Variants in CEP250 observed in about 807,000 individuals in gnomAD.
The protein encoded by CEP250 is centrosome-associated protein CEP250.
Under a neutral mutation model 315.7 loss-of-function variants are expected in CEP250, and 242 were observed. The observed-to-expected ratio is 0.77, with a 90% confidence interval of 0.69 to 0.85. CEP250 has a LOEUF of 0.85. Among genes scored for constraint, CEP250 ranks in the 40% least tolerant of loss-of-function variants. The probability of loss-of-function intolerance (pLI) is 0.00; values close to 1 mark genes in which losing one functional copy is unlikely to be tolerated. For synonymous variants in CEP250, 1,088 were observed against 1,175.0 expected, an observed-to-expected ratio of 0.93 and a Z score of 1.51; for missense variants, 2,515 against 2,886.4, an observed-to-expected ratio of 0.87 and a Z score of 2.95.
Position 35,503,247 on chromosome 20 carries a change from G to A in CEP250, c.4878G>A (p.Gln1626=). The A allele has an allele frequency of 1.2e-6, 2 of 1,614,236 alleles. No individual in the cohort carries two copies. Among genetic ancestry groups the A allele is most frequent in the African/African-American group, 2.7e-5 (2 of 75,072 alleles). ...SHSTVLAREL[Q]ERDQEVKSQR... ...GCACCGTTCTGGCAAGAGAGCTGCA[G>A]GAGAGGGACCAGGAGGTGAAGTCTC... is the stretch of plus-strand genomic sequence containing the variant. The change falls in exon 30 of 35, where the codon CAG becomes CAA. Residue 1626 remains glutamine (Q), a synonymous_variant. Transcript: ENST00000397527. This position sits in a 1 kb window ranked among gnomAD's most constrained non-coding sequence, Gnocchi z 4.2.
chr20:35,467,943 C>CTTTTTTTTT (rs10649518), intron 9 of CEP250, among the ~76,000 whole-genome samples: 25 of 117,960 alleles, frequency 2.1e-4, no homozygotes, highest in African/African-American at 7.0e-4. Context: ...AATATTACCT[C>CTTTTTTTTT]TTTTTTTTTT....
intron 5 of CEP250, among the ~76,000 whole-genome samples, chr20:35,465,023 G>A (rs2062840213): frequency 1.3e-5 from 2 of 152,312 alleles, no homozygotes; most frequent in Admixed American, 1.3e-4. Context: ...ATAAGTCAAG[G>A]AGCATCTATA....
chr20:35,506,742 C>T (rs188871786), intron 30 of CEP250, among the ~76,000 whole-genome samples: 4 of 152,226 alleles, frequency 2.6e-5, no homozygotes, highest in East Asian at 1.9e-4. Context: ...TGTGTAACCC[C>T]GGGTGAATGC....
In CEP250 at chr20:35,483,340, T is replaced by C. The variant is rs1048973720; in HGVS notation, c.2586+3195T>C. Among the ~76,000 whole-genome samples the C allele has an allele frequency of 6.8e-5, 10 of 147,180 alleles. No individual in the cohort carries two copies. In the East Asian group the frequency reaches 1.9e-3, roughly 28 times the overall value. ...CGTCTCAAAAAAAAAAAAAAATTTT[T>C]TTTTTTAAATTTATTTTATTTTATT... On this transcript the variant is annotated intron_variant, in intron 20 of 34. Transcript: ENST00000397527.
chr20:35,498,770 AG>A, intron 27 of CEP250, 54 bp downstream of exon 27: 2 of 1,510,206 alleles, frequency 1.3e-6, no homozygotes, highest in Non-Finnish European at 1.8e-6. Flanking sequence ...GAAAAGCATG[AG>A]GCAAAGGGGT....
At chr20:35,507,651 CA>C in intron 30 of CEP250, 86 bp from the exon 31 acceptor site, 1 of 999,578 alleles carries the variant, frequency 1.0e-6, no homozygotes, top group Admixed American at 2.1e-5. Flanking sequence ...CTGAGGAGAA[CA>C]TTGAACCGCT....
At position 35,518,952 on chromosome 20, in the gene CEP250, G is replaced by A. The variant is rs2064456052; in HGVS notation, c.*7326G>A. ...GGAGGCTGAGGCAGGAGAATTGCTT[G>A]AACCCAGGAGGCAGAGGTTGCAGTG... On this transcript the variant is annotated 3_prime_UTR_variant, in exon 35 of 35. Coordinates refer to ENST00000397527, the MANE Select transcript of CEP250 (RefSeq NM_007186.6). 1 of 151,610 alleles carries A rather than the reference G, an allele frequency of 6.6e-6. No homozygotes were observed. Among genetic ancestry groups the A allele is most frequent in the Admixed American group, 6.6e-5 (1 of 15,206 alleles). 9.4% of individuals were successfully genotyped at this position (151,610 alleles called of 1,614,324 possible). A position where few individuals can be genotyped will look rare whatever the true frequency, so the allele number is the denominator to read the frequency against.
At chr20:35,480,904 G>A (rs868340565) in intron 20 of CEP250, among the ~76,000 whole-genome samples, 1 of 152,174 alleles carries the variant, frequency 6.6e-6, no homozygotes, top group South Asian at 2.1e-4. Context: ...ATCTTTTAGG[G>A]AGGGGAAATC....
rs1601136649 is a variant in CEP250, at chr20:35,467,638, G to A, written c.851+83G>A. ...GGGTTAGGGACAGGCAGGGGGAGGT[G>A]CCAGGAACATTCCTACCATGGAGGG... On this transcript the variant is annotated intron_variant, in intron 9 of 34. Coordinates refer to ENST00000397527, the MANE Select transcript of CEP250 (RefSeq NM_007186.6). The A allele has an allele frequency of 5.2e-5, 76 of 1,461,972 alleles. No homozygotes were observed. The South Asian group carries it at 9.8e-4, about 19-fold the overall frequency. The allele number at this position is 1,461,972 out of a possible 1,614,324, so 90.6% of individuals were successfully genotyped here. A position where few individuals can be genotyped will look rare whatever the true frequency, so the allele number is the denominator to read the frequency against.
At chr20:35,488,447 T>C (rs1480958581) in intron 20 of CEP250, among the ~76,000 whole-genome samples, 1 of 152,176 alleles carries the variant, frequency 6.6e-6, no homozygotes, top group Non-Finnish European at 1.5e-5. Flanking sequence ...CTCTTTTTTT[T>C]CTTTTTATTA....
At chr20:35,499,520 C>G (rs1295612516) in intron 27 of CEP250, among the ~76,000 whole-genome samples, 1 of 152,180 alleles carries the variant, frequency 6.6e-6, no homozygotes, top group Non-Finnish European at 1.5e-5. Context: ...GTCAGCCACT[C>G]TGGGCTGGGT....
rs1475487869 is a variant in CEP250 at position 35,511,421 on chromosome 20, C to A, written c.7124C>A (p.Thr2375Asn). 3 of 1,613,978 alleles carry A rather than the reference C, an allele frequency of 1.9e-6. No homozygotes were observed. Among genetic ancestry groups the A allele is most frequent in the Non-Finnish European group, 2.5e-6 (3 of 1,179,992 alleles). Reference protein sequence around the residue: ...LERKQKQDYITRSAQTSRELA... With the variant: ...LERKQKQDYINRSAQTSRELA... The stretch of plus-strand genomic sequence containing the variant: ...CGGAAGCAGAAGCAGGACTACATCA[C>A]CCGCTCAGCACAGACCAGCCGTGAG... The change falls in exon 35 of 35, where the codon ACC becomes AAC. Residue 2375 changes from threonine to asparagine, a missense_variant. Physicochemically the swap from Thr to Asn is moderately conservative, Grantham distance 65. Transcript: ENST00000397527.
rs377120249 is a variant in CEP250 at position 35,497,929 on chromosome 20, G to A, written c.3517G>A (p.Gly1173Arg). Residue 1173 changes from glycine (G) to arginine (R), a missense_variant, in exon 26 of 35, where the codon GGG becomes AGG. By Grantham distance (125) the Gly-to-Arg change is moderately radical. Transcript: ENST00000397527. The stretch of plus-strand genomic sequence containing the variant: ...AGCGCTGGCCGCAGAGCAGCAGCCC[G>A]GGAACCAGGCCCAGGCCCAGGCCCA... ...LEALAAEQQP[G>R]NQAQAQAQLA... The A allele has an allele frequency of 1.3e-4, 206 of 1,611,252 alleles. No homozygotes were observed. Among genetic ancestry groups the A allele is most frequent in the Non-Finnish European group, 1.6e-4 (185 of 1,178,958 alleles).
Position 35,493,489 on chromosome 20 carries a change from G to A in CEP250, c.2950G>A (p.Ala984Thr), listed in dbSNP as rs1176572083. The change falls in exon 23 of 35, where the codon GCC becomes ACC. Residue 984 changes from alanine to threonine, a missense_variant. Coordinates refer to ENST00000397527, the MANE Select transcript of CEP250 (RefSeq NM_007186.6). ...GGCTCAACGGGAGCTGAAGGAGGCA[G>A]CCCGGCAGCACAGAGATGACCTTGC... The part of the protein sequence containing the change: ...QEAQRELKEA[A>T]RQHRDDLAAL... 3 of 1,610,306 alleles carry A rather than the reference G, an allele frequency of 1.9e-6. No homozygotes were observed. In the Admixed American group the frequency reaches 5.0e-5, roughly 27 times the overall value.
rs1355839969 is a variant in CEP250, at chr20:35,515,117, G to A, written c.*3491G>A. On this transcript the variant is annotated 3_prime_UTR_variant, in exon 35 of 35. Transcript: ENST00000397527. ...CAGAGTCGGAGCTCGGGGTCTAGCT[G>A]TGACCTGGGGATCGGTTGGAGTAGC... 1 of 152,484 alleles carries A rather than the reference G, an allele frequency of 6.6e-6. No individual in the cohort carries two copies. Among genetic ancestry groups the A allele is most frequent in the Non-Finnish European group, 1.5e-5 (1 of 68,310 alleles). The allele number at this position is 152,484 out of a possible 1,614,324, so 9.4% of individuals were successfully genotyped here.
chr20:35,466,829 G>C (rs1172849372), intron 7 of CEP250, 137 bp from the exon 8 acceptor site: 1 of 629,904 alleles, frequency 1.6e-6, no homozygotes, highest in African/African-American at 1.8e-5. Context: ...CCATAACCTG[G>C]ATAGATACCC....
At chr20:35,466,881 A>G (rs2146715478) in intron 7 of CEP250, 85 bp from the exon 8 acceptor site, 1 of 803,318 alleles carries the variant, frequency 1.2e-6, no homozygotes, top group South Asian at 1.4e-5. Context: ...TCCTTCCCTC[A>G]GTAGTCAGGA....
rs536713158 is a variant in CEP250, at chr20:35,462,673, G to C, written c.186+120G>C. The C allele has an allele frequency of 1.7e-5, 13 of 779,430 alleles. No homozygotes were observed. The African/African-American group carries it at 1.9e-4, about 11-fold the overall frequency. The allele number at this position is 779,430 out of a possible 1,614,324, so 48.3% of individuals were successfully genotyped here. ...GTGGGAGTGGCCTACATCTAGCATG[G>C]TGAGATAAGACCCAGACCTTCTAGC... On this transcript the variant is annotated intron_variant, in intron 4 of 34. Coordinates refer to ENST00000397527, the MANE Select transcript of CEP250 (RefSeq NM_007186.6).
chr20:35,470,223 T>C (rs1000761822), intron 10 of CEP250: 1 of 575,762 alleles, frequency 1.7e-6, no homozygotes, highest in Non-Finnish European at 3.1e-6. Flanking sequence ...ATGGCATATG[T>C]ATGCAGTGTG....
Sources: gnomAD v4.1 joint callset for allele counts (sites outside exome capture counted in the v4.1 genomes callset) on GRCh38, gnomAD v4.1.1 for gene constraint, Gnocchi (gnomAD v3.1) non-coding constraint, MANE v1.5 for transcripts, NCBI Gene and HGNC (gene_info 2026-07-23, HGNC 2026-07-21) for gene names.